The following IGBP1 variants were observed in gnomAD, a reference collection of about 807,000 sequenced individuals.
The protein encoded by IGBP1 is immunoglobulin binding protein 1.
Under a neutral mutation model 25.9 loss-of-function variants are expected in IGBP1, and 2 were observed. The ratio of observed to expected loss-of-function variants is 0.08; its 90% confidence interval spans 0.03 to 0.24. The LOEUF (loss-of-function observed/expected upper bound fraction) is 0.24. Among genes scored for constraint, IGBP1 ranks in the 10% least tolerant of loss-of-function variants. IGBP1 has a pLI of 1.00. For synonymous variants in IGBP1, 96 were observed against 93.4 expected (o/e 1.03, Z -0.16); for missense variants, 187 against 260.4 (o/e 0.72, Z 1.94).
At chrX:70,157,688 C>T (rs1291563160) in intron 6 of IGBP1, among the ~76,000 whole-genome samples, 1 of 112,267 alleles carries the variant, frequency 8.9e-6, no homozygotes, top group African/African-American at 3.2e-5. Flanking sequence ...TGATTCCATT[C>T]ATACAAACTT....
At chrX:70,143,297 G>A (rs964857661) in intron 3 of IGBP1, among the ~76,000 whole-genome samples, 5 of 112,113 alleles carry the variant, frequency 4.5e-5, no homozygotes, top group Non-Finnish European at 9.4e-5. Flanking sequence ...GCCTCCCAAA[G>A]TGCTGGGATT....
intron 3 of IGBP1, among the ~76,000 whole-genome samples, chrX:70,137,927 G>A (rs1391858596): frequency 4.8e-5 from 5 of 103,149 alleles, no homozygotes; most frequent in African/African-American, 1.8e-4. Context: ...GAGGTCAGGA[G>A]TTCAAGACCA....
intron 6 of IGBP1, among the ~76,000 whole-genome samples, chrX:70,154,375 A>G (rs1170459935): frequency 9.3e-6 from 1 of 107,870 alleles, no homozygotes; most frequent in Non-Finnish European, 1.9e-5. Context: ...CCTGGCCCCC[A>G]TCACATAATT....
chrX:70,160,805 A>G (rs949313949), intron 6 of IGBP1, among the ~76,000 whole-genome samples: 2 of 112,248 alleles, frequency 1.8e-5, no homozygotes, highest in African/African-American at 6.5e-5. Flanking sequence ...AACAGTTCTC[A>G]GTAATTATAT....
chrX:70,151,253 G>A (rs1379567449), intron 6 of IGBP1, among the ~76,000 whole-genome samples: 1 of 111,854 alleles, frequency 8.9e-6, no homozygotes, highest in African/African-American at 3.2e-5. Context: ...GAACCACCGC[G>A]CCTGGCCCTC....
In IGBP1 at chrX:70,133,893, T is replaced by C; in HGVS notation, c.-55T>C. ...TCCGCGCTCGCCTAATTCTTCTTTA[T>C]CAAGGTTGCCTTTGACCCCGGAAAA... On this transcript the variant is annotated 5_prime_UTR_variant, in exon 2 of 7. Transcript: ENST00000356413. 9.1e-7 allele frequency: 1 copy of C among 1,102,367 alleles called. No individual in the cohort carries two copies. Among genetic ancestry groups the C allele is most frequent in the Non-Finnish European group, 1.2e-6 (1 of 804,820 alleles). 90.8% of individuals were successfully genotyped at this position (1,102,367 alleles called of 1,213,427 possible).
intron 6 of IGBP1, among the ~76,000 whole-genome samples, chrX:70,159,140 A>G (rs1395206374): frequency 8.9e-6 from 1 of 112,002 alleles, no homozygotes; most frequent in African/African-American, 3.2e-5. Flanking sequence ...AGCTTGGGGA[A>G]CATGAATCAT....
Position 70,134,108 on chromosome X carries a change from A to T in IGBP1, c.161A>T (p.Glu54Val). ...KGLDLLEKAAEMLSQLDLFSR... is the reference protein window; with the variant it reads ...KGLDLLEKAAVMLSQLDLFSR... ...TTGGACCTCCTTGAGAAGGCTGCCG[A>T]AATGTTATCGCAGCTCGACTTGTTC... The change falls in exon 2 of 7, where the codon GAA becomes GTA. Residue 54 changes from glutamate to valine, a missense_variant. Coordinates refer to ENST00000356413, the MANE Select transcript of IGBP1 (RefSeq NM_001551.3). 2 of 1,211,405 alleles carry T rather than the reference A, an allele frequency of 1.7e-6. No homozygotes were observed. The highest frequency in any genetic ancestry group is 2.2e-6 in the Non-Finnish European group (2 of 894,798).
At chrX:70,136,010 GAA>G (rs1436487452) in intron 3 of IGBP1, among the ~76,000 whole-genome samples, 1 of 111,850 alleles carries the variant, frequency 8.9e-6, no homozygotes, top group Non-Finnish European at 1.9e-5. Context: ...GATTAAAAGA[GAA>G]ATATATATAA....
At position 70,165,929 on chromosome X, in the gene IGBP1, A is replaced by T; in HGVS notation, c.968A>T (p.Asp323Val). 8.3e-7 allele frequency: 1 copy of T among 1,209,418 alleles called. No individual in the cohort carries two copies. Among genetic ancestry groups the T allele is most frequent in the Non-Finnish European group, 1.1e-6 (1 of 893,557 alleles). Reference protein sequence around the residue: ...QTLHRAREWDDWKDTHPRGYG... With the variant: ...QTLHRAREWDVWKDTHPRGYG... ...CTCCACAGAGCCCGGGAGTGGGATG[A>T]CTGGAAGGACACCCATCCTAGGGGC... Residue 323 changes from aspartate to valine, a missense_variant, in exon 7 of 7, where the codon GAC becomes GTC. Coordinates refer to ENST00000356413, the MANE Select transcript of IGBP1 (RefSeq NM_001551.3).
chrX:70,150,041 C>T (rs2085192637), intron 5 of IGBP1, among the ~76,000 whole-genome samples, 169 bp from the exon 6 acceptor site: 1 of 112,278 alleles, frequency 8.9e-6, no homozygotes, highest in Non-Finnish European at 1.9e-5. Flanking sequence ...CCCCTTTTTA[C>T]ATATCCTCCC....
At chrX:70,134,459 A>G in intron 2 of IGBP1, 64 bp from the exon 3 acceptor site, 1 of 1,125,771 alleles carries the variant, frequency 8.9e-7, no homozygotes, top group Non-Finnish European at 1.2e-6. Context: ...TCCGTCCCCC[A>G]GAAAGCAAGG....
chrX:70,149,870 T>C (rs2147580065), intron 5 of IGBP1, among the ~76,000 whole-genome samples: 1 of 111,586 alleles, frequency 9.0e-6, no homozygotes, highest in East Asian at 2.8e-4. Flanking sequence ...GGGAGTCTCC[T>C]TGTTTTCTGT....
At chrX:70,154,851 C>T (rs1275725842) in intron 6 of IGBP1, among the ~76,000 whole-genome samples, 1 of 108,674 alleles carries the variant, frequency 9.2e-6, no homozygotes, top group African/African-American at 3.4e-5. Flanking sequence ...GAGCTATTAT[C>T]GTGCCCCTGC....
At chrX:70,146,264 G>A (rs1226318554) in intron 3 of IGBP1, among the ~76,000 whole-genome samples, 1 of 110,742 alleles carries the variant, frequency 9.0e-6, no homozygotes, top group Non-Finnish European at 1.9e-5. Flanking sequence ...TTTTTTGAAG[G>A]TGTAGTTCCC....
intron 2 of IGBP1, among the ~76,000 whole-genome samples, 181 bp downstream of exon 2, chrX:70,134,316 T>C (rs750824584): frequency 8.9e-6 from 1 of 112,192 alleles, no homozygotes; most frequent in Non-Finnish European, 1.9e-5. Flanking sequence ...GTTGATATCT[T>C]ACGACTCTGC....
At position 70,166,260 on chromosome X, in the gene IGBP1, A is replaced by C. The variant is rs762550757; in HGVS notation, c.*279A>C. ...GCTGAGAAATGGCTCTGTATAATCT[A>C]TGGCTATCCGAATTCTCTGAAAAAA... On this transcript the variant is annotated 3_prime_UTR_variant, in exon 7 of 7. Transcript: ENST00000356413. 1 of 268,176 alleles carries C rather than the reference A, an allele frequency of 3.7e-6. No homozygotes were observed. The highest frequency in any genetic ancestry group is 2.7e-5 in the African/African-American group (1 of 36,436). 22.1% of individuals were successfully genotyped at this position (268,176 alleles called of 1,213,427 possible). A position where few individuals can be genotyped will look rare whatever the true frequency, so the allele number is the denominator to read the frequency against.
Position 70,166,114 on chromosome X carries a change from T to C in IGBP1, c.*133T>C. 1 of 590,613 alleles carries C rather than the reference T, an allele frequency of 1.7e-6. No individual in the cohort carries two copies. The highest frequency in any genetic ancestry group is 2.7e-6 in the Non-Finnish European group (1 of 370,720). The allele number at this position is 590,613 out of a possible 1,213,427, so 48.7% of individuals were successfully genotyped here. A position where few individuals can be genotyped will look rare whatever the true frequency, so the allele number is the denominator to read the frequency against. Reference sequence around the variant, plus strand: ...AAAGATGCTAAATCTTGCTTTGCATTCAGTAAAGTGTCAAGTGATTAAGTG... The same window carrying C: ...AAAGATGCTAAATCTTGCTTTGCATCCAGTAAAGTGTCAAGTGATTAAGTG... On this transcript the variant is annotated 3_prime_UTR_variant, in exon 7 of 7. Coordinates refer to ENST00000356413, the MANE Select transcript of IGBP1 (RefSeq NM_001551.3).
At chrX:70,144,650 C>CTTTTTT (rs138993842) in intron 3 of IGBP1, among the ~76,000 whole-genome samples, 4 of 27,750 alleles carry the variant, frequency 1.4e-4, no homozygotes, top group African/African-American at 4.6e-4. Flanking sequence ...TGGTTCTTGA[C>CTTTTTT]TTTTTTTTTT....
Sources: gnomAD v4.1 joint callset for allele counts (sites outside exome capture counted in the v4.1 genomes callset) on GRCh38, gnomAD v4.1.1 for gene constraint, MANE v1.5 for transcripts, NCBI Gene and HGNC (gene_info 2026-07-23, HGNC 2026-07-21) for gene names.